The following RASSF3 variants were observed in gnomAD, a reference collection of about 807,000 sequenced individuals.
RASSF3 encodes Ras association domain family member 3, also known as ras association domain-containing protein 3.
A neutral mutation model predicts 19.9 loss-of-function variants in RASSF3; 19 were observed. That is an observed-to-expected ratio of 0.96 (90% CI 0.67 to 1.40). The LOEUF (loss-of-function observed/expected upper bound fraction) is 1.40, where lower values mean the gene tolerates loss of function less well. RASSF3 is among the 40% of genes most tolerant of loss of function. The pLI, the probability that RASSF3 is intolerant of heterozygous loss-of-function variation, is 0.00. For synonymous variants in RASSF3, 110 were observed against 104.2 expected (o/e 1.06, Z -0.34); for missense variants, 306 against 289.8 (o/e 1.06, Z -0.41).
intron 1 of RASSF3, among the ~76,000 whole-genome samples, chr12:64,616,572 G>A (rs1470197158): frequency 6.6e-6 from 1 of 152,214 alleles, no homozygotes; most frequent in African/African-American, 2.4e-5. Flanking sequence ...TTGGCCAAAG[G>A]CCATTGGCTA....
intron 1 of RASSF3, among the ~76,000 whole-genome samples, chr12:64,635,601 T>G (rs998042281): frequency 6.6e-6 from 1 of 152,222 alleles, no homozygotes; most frequent in African/African-American, 2.4e-5. Flanking sequence ...GGTACAGTTA[T>G]TAGAAGAGGC....
At chr12:64,628,908 G>A (rs779325986) in intron 1 of RASSF3, among the ~76,000 whole-genome samples, 5 of 151,906 alleles carry the variant, frequency 3.3e-5, no homozygotes, top group Admixed American at 1.3e-4. Flanking sequence ...AAATGCCAGA[G>A]TCAGTTGTCT....
At chr12:64,547,478 A>G (rs1457767159) in intron 2 of RASSF3, among the ~76,000 whole-genome samples, 1 of 152,042 alleles carries the variant, frequency 6.6e-6, no homozygotes, top group East Asian at 1.9e-4. Flanking sequence ...GAGGCAGGAG[A>G]ATCGCTTGAA....
At chr12:64,588,819 C>T (rs1258214893) in intron 2 of RASSF3, among the ~76,000 whole-genome samples, 1 of 152,032 alleles carries the variant, frequency 6.6e-6, no homozygotes, top group African/African-American at 2.4e-5. Context: ...ATGACTTTTT[C>T]CATCCACTTG....
chr12:64,542,923 G>A (rs1268179103), downstream of RASSF3, among the ~76,000 whole-genome samples: 2 of 152,182 alleles, frequency 1.3e-5, no homozygotes, highest in Non-Finnish European at 2.9e-5. Flanking sequence ...CTGCAGGGAG[G>A]TGTGGAGGGA....
intron 1 of RASSF3, among the ~76,000 whole-genome samples, chr12:64,516,907 G>C (rs1259777351): frequency 6.8e-6 from 1 of 146,480 alleles, no homozygotes; most frequent in African/African-American, 2.5e-5. Flanking sequence ...GCGGAGGCAG[G>C]AGAATCAATT....
At chr12:64,656,570 A>G (rs947329116) in intron 1 of RASSF3, among the ~76,000 whole-genome samples, 2 of 152,338 alleles carry the variant, frequency 1.3e-5, no homozygotes, top group Middle Eastern at 6.8e-3. Flanking sequence ...GATAAAGAAC[A>G]TCAAACACTC....
chr12:64,621,188 G>A (rs1307587968), intron 1 of RASSF3, among the ~76,000 whole-genome samples: 3 of 152,120 alleles, frequency 2.0e-5, no homozygotes, highest in Non-Finnish European at 4.4e-5. Context: ...CACCCACCTC[G>A]GCCTCCCAAA....
rs545030924 is a variant in RASSF3, at chr12:64,647,711, C to T, written c.111+36968C>T. 3.3e-5 allele frequency among the ~76,000 whole-genome samples: 5 copies of T among 151,746 alleles called. No individual in the cohort carries two copies. In the East Asian group the frequency reaches 9.8e-4, roughly 30 times the overall value. ...CAGGCATGAACCACCGCGCCCGGCC[C>T]CGGCCTTGTATTTTTTTTTATAGAG... On this transcript the variant is annotated intron_variant, in intron 1 of 4. Coordinates refer to ENST00000542104, the MANE Select transcript of RASSF3 (RefSeq NM_178169.4).
chr12:64,546,474 G>A (rs1218374902), downstream of RASSF3, among the ~76,000 whole-genome samples: 1 of 152,104 alleles, frequency 6.6e-6, no homozygotes, highest in Non-Finnish European at 1.5e-5. Flanking sequence ...GTTTCACCAT[G>A]TTAGCCAGGA....
Position 64,516,618 on chromosome 12 carries a change from CA to C in RASSF3, c.169+9304del, listed in dbSNP as rs200931603. 3.0e-3 allele frequency among the ~76,000 whole-genome samples: 330 copies of C among 109,070 alleles called. 1 individual carries two copies. The highest frequency in any genetic ancestry group is 7.0e-3 in the African/African-American group (214 of 30,438). The allele number at this position is 109,070 out of a possible 152,430, so 71.6% of individuals were successfully genotyped here. ...TGGGCGACAGAGCGAGACTCCGTCT[CA>C]AAAAAAAAAAAAAAGATACCACTGG... On this transcript the variant is annotated intron_variant, in intron 1 of 5. Coordinates refer to the RASSF3 transcript ENST00000637125.
chr12:64,561,950 C>T (rs1869354177), intron 2 of RASSF3, among the ~76,000 whole-genome samples: 1 of 151,850 alleles, frequency 6.6e-6, no homozygotes, highest in Non-Finnish European at 1.5e-5. Flanking sequence ...TCCCAAATTG[C>T]TGGGATTACG....
chr12:64,614,337 A>C (rs1870479083), intron 1 of RASSF3, among the ~76,000 whole-genome samples: 1 of 152,086 alleles, frequency 6.6e-6, no homozygotes, highest in Non-Finnish European at 1.5e-5. Flanking sequence ...CATGTTGGCC[A>C]GGCTGGTCTT....
intron 1 of RASSF3, among the ~76,000 whole-genome samples, chr12:64,618,176 A>G (rs771010727): frequency 3.5e-4 from 53 of 152,226 alleles, no homozygotes; most frequent in African/African-American, 1.3e-3. Context: ...ATTCACAGGC[A>G]TGATAATAGT....
intron 1 of RASSF3, 141 bp from the exon 2 acceptor site, chr12:64,684,646 G>A (rs1873276244): frequency 1.7e-6 from 1 of 581,072 alleles, no homozygotes; most frequent in East Asian, 3.0e-5. Context: ...GGTCAGGGTG[G>A]TATTGAACTC....
intron 1 of RASSF3, among the ~76,000 whole-genome samples, chr12:64,642,288 G>A (rs1419603098): frequency 1.3e-5 from 2 of 151,786 alleles, no homozygotes; most frequent in East Asian, 1.9e-4. Context: ...GGCCGGGCCC[G>A]GTTTCTCATG....
chr12:64,679,687 A>T (rs1216799315), intron 1 of RASSF3, among the ~76,000 whole-genome samples: 1 of 152,184 alleles, frequency 6.6e-6, no homozygotes, highest in African/African-American at 2.4e-5. Flanking sequence ...TGAGCCTGAG[A>T]GCAGCTCTCC....
chr12:64,607,563 G>A (rs766191583), upstream of RASSF3, among the ~76,000 whole-genome samples: 19 of 151,886 alleles, frequency 1.3e-4, no homozygotes, highest in Non-Finnish European at 1.6e-4. Context: ...CAGTAGAGAT[G>A]GGGGTTTCAC....
chr12:64,608,950 T>C (rs1321542048), upstream of RASSF3, among the ~76,000 whole-genome samples: 1 of 152,152 alleles, frequency 6.6e-6, no homozygotes, highest in Non-Finnish European at 1.5e-5. Flanking sequence ...TTTAATGTTG[T>C]AGGACCTTTA....
Sources: gnomAD v4.1 joint callset for allele counts (sites outside exome capture counted in the v4.1 genomes callset) on GRCh38, gnomAD v4.1.1 for gene constraint, MANE v1.5 for transcripts, NCBI Gene and HGNC (gene_info 2026-07-23, HGNC 2026-07-21) for gene names.